Variants in DCHS2 observed in about 807,000 individuals in gnomAD.
DCHS2 encodes protocadherin-23.
DCHS2 carries 142 observed loss-of-function variants against 182.4 expected under a neutral mutation model. That is an observed-to-expected ratio of 0.78 (90% CI 0.68 to 0.89). The LOEUF is 0.89. DCHS2 is among the 40% of genes least tolerant of loss of function. The pLI, the probability that DCHS2 is intolerant of heterozygous loss-of-function variation, is 0.00. For missense variants in DCHS2, 4,319 were observed against 4,198.6 expected (o/e 1.03, Z -0.79); for synonymous variants, 1,740 against 1,663.3 (o/e 1.05, Z -1.12).
rs1728703852 is a variant in DCHS2 at position 154,489,378 on chromosome 4, C to CATTG, written c.1974_1977dup (p.Glu660GlnfsTer2). 2.6e-6 allele frequency: 4 copies of CATTG among 1,551,168 alleles called. No homozygotes were observed. The highest frequency in any genetic ancestry group is 2.6e-6 in the Non-Finnish European group (3 of 1,146,694). ...TACACCTGCCTCCAGAAGATGGGCT[C>CATTG]ATTGTCATTCACATCATCTACGGTG... On this transcript the variant is annotated frameshift_variant, in exon 1 of 20. Coordinates refer to ENST00000357232, the MANE Select transcript of DCHS2 (RefSeq NM_001358235.2). LOFTEE classifies it high-confidence loss of function.
chr4:154,408,023 A>C (rs1373936968), intron 1 of DCHS2, among the ~76,000 whole-genome samples: 1 of 152,028 alleles, frequency 6.6e-6, no homozygotes, highest in African/African-American at 2.4e-5. Flanking sequence ...CATGTCATGG[A>C]AAGTTTCTCT....
At chr4:154,425,575 C>G (rs1326980593) in intron 1 of DCHS2, among the ~76,000 whole-genome samples, 1 of 152,166 alleles carries the variant, frequency 6.6e-6, no homozygotes, top group East Asian at 1.9e-4. Context: ...AGATCTCAGC[C>G]TTTAACACTT....
At position 154,332,536 on chromosome 4, in the gene DCHS2, T is replaced by C. The variant is rs751785643; in HGVS notation, c.3672A>G (p.Gly1224=). Residue 1224 remains glycine (G), a synonymous_variant, in exon 5 of 20, where the codon GGA becomes GGG. Transcript: ENST00000357232. ...CAGACAAAAGGAAATATAATAGCTG[T>C]CCATTCTTTCCAGAGTCCATGTCAA... ...TAIDMDSGKN[G]QLLYFLLSDG... 16 of 1,614,092 alleles carry C rather than the reference T, an allele frequency of 9.9e-6. No homozygotes were observed. In the African/African-American group the frequency reaches 1.7e-4, roughly 18 times the overall value.
chr4:154,346,867 C>A (rs896184159), intron 3 of DCHS2, among the ~76,000 whole-genome samples: 11 of 151,868 alleles, frequency 7.2e-5, no homozygotes, highest in African/African-American at 2.7e-4. Flanking sequence ...TAACAAGCTG[C>A]AAACTTTGTG....
chr4:154,490,331 C>T lies in DCHS2; in HGVS notation c.1025G>A (p.Gly342Glu). The T allele has an allele frequency of 1.9e-6, 3 of 1,543,226 alleles. No homozygotes were observed. Among genetic ancestry groups the T allele is most frequent in the Non-Finnish European group, 1.7e-6 (2 of 1,145,978 alleles). ...CAGTGCCCCGCCGCCGCTACCCGCC[C>T]CAGGCACTTGCCGGGCGCGGACGCT... ...RYSVRARQVP[G>E]AGSGGGALGD... is the part of the protein sequence containing the mutation. The change falls in exon 1 of 20, where the codon GGG (glycine) becomes GAG (glutamate). Residue 342 changes from glycine to glutamate, a missense_variant. Physicochemically the swap from Gly to Glu is moderately conservative, Grantham distance 98 (BLOSUM62 -2). Coordinates refer to ENST00000357232, the MANE Select transcript of DCHS2 (RefSeq NM_001358235.2).
intron 16 of DCHS2, among the ~76,000 whole-genome samples, chr4:154,244,990 T>C (rs1419537222): frequency 6.6e-6 from 1 of 152,154 alleles, no homozygotes; most frequent in Non-Finnish European, 1.5e-5. Flanking sequence ...TAGCCATAAT[T>C]ACCATTATTT....
Position 154,490,989 on chromosome 4 carries a change from C to A in DCHS2, c.367G>T (p.Gly123Cys), listed in dbSNP as rs148953504. 2.8e-3 allele frequency: 4,351 copies of A among 1,550,372 alleles called. 6 individuals are homozygous for A. The highest frequency in any genetic ancestry group is 3.5e-3 in the Non-Finnish European group (3,988 of 1,146,302). ...AGGCGCCGCGCAGTGCGGATGATGC[C>A]GGTGTCCGGGTGCACGTGGAAGTCG... ...LDDFHVHPDT[G>C]IIRTARRLDR... The change falls in exon 1 of 20, where the codon GGC becomes TGC. Residue 123 changes from glycine to cysteine, a missense_variant. Coordinates refer to ENST00000357232, the MANE Select transcript of DCHS2 (RefSeq NM_001358235.2).
rs1308100741 is a variant in DCHS2, at chr4:154,236,054, G to A, written c.8598C>T (p.Val2866=). 1.2e-6 allele frequency: 2 copies of A among 1,613,810 alleles called. No homozygotes were observed. The part of the protein sequence containing the change: ...DKGDATASLV[V]WVDIEGIDEF... ...CATCTATCCCTTCAATATCCACCCAGACCACTAAGGAGGCAGTTGCATCAC... is the reference window on the plus strand; with the variant it reads ...CATCTATCCCTTCAATATCCACCCAAACCACTAAGGAGGCAGTTGCATCAC... Residue 2866 remains valine (V), a synonymous_variant, in exon 20 of 20, where the codon GTC becomes GTT. Coordinates refer to ENST00000357232, the MANE Select transcript of DCHS2 (RefSeq NM_001358235.2).
chr4:154,370,322 G>A (rs1259518573), intron 2 of DCHS2, among the ~76,000 whole-genome samples: 1 of 152,116 alleles, frequency 6.6e-6, no homozygotes, highest in East Asian at 1.9e-4. Flanking sequence ...TATAGAAGAG[G>A]TAGAGAGGGA....
At chr4:154,316,713 G>A (rs1310851286) in intron 9 of DCHS2, among the ~76,000 whole-genome samples, 3 of 152,184 alleles carry the variant, frequency 2.0e-5, no homozygotes, top group South Asian at 2.1e-4. Context: ...GAACCTGGGA[G>A]GCGGAAGCTG....
At chr4:154,417,410 T>C (rs1203234370) in intron 1 of DCHS2, among the ~76,000 whole-genome samples, 1 of 152,160 alleles carries the variant, frequency 6.6e-6, no homozygotes, top group Non-Finnish European at 1.5e-5. Flanking sequence ...CAAAGCACTT[T>C]GTTATTACTC....
chr4:154,407,176 C>T (rs996895391), intron 1 of DCHS2, among the ~76,000 whole-genome samples: 32 of 152,160 alleles, frequency 2.1e-4, no homozygotes, highest in South Asian at 4.1e-4. Context: ...AGGCATCTTT[C>T]GCTTGGGATT....
intron 1 of DCHS2, among the ~76,000 whole-genome samples, chr4:154,390,083 C>T (rs1561085165): frequency 1.3e-5 from 2 of 150,370 alleles, no homozygotes; most frequent in Admixed American, 1.3e-4. Flanking sequence ...TGTTGATACT[C>T]TTTTTTTTTA....
At chr4:154,282,871 C>A (rs12510539) in intron 13 of DCHS2, among the ~76,000 whole-genome samples, 3,948 of 152,106 alleles carry the variant, frequency 0.026, 276 homozygotes, top group Admixed American at 0.16. Context: ...AATGAAAATC[C>A]TGTTATATGC....
chr4:154,256,327 G>T (rs1732663484), intron 15 of DCHS2, among the ~76,000 whole-genome samples: 1 of 152,012 alleles, frequency 6.6e-6, no homozygotes, highest in East Asian at 1.9e-4. Context: ...TAGAGATGGG[G>T]TTTTCCCATT....
chr4:154,268,739 A>G (rs890573084), intron 14 of DCHS2, among the ~76,000 whole-genome samples: 7 of 152,178 alleles, frequency 4.6e-5, no homozygotes, highest in African/African-American at 1.7e-4. Context: ...CAGATATTTC[A>G]CAATAAAATT....
chr4:154,426,438 T>C (rs1307186388), intron 1 of DCHS2, among the ~76,000 whole-genome samples: 1 of 152,106 alleles, frequency 6.6e-6, no homozygotes, highest in East Asian at 1.9e-4. Context: ...ATCATGATGA[T>C]CTAGGTAACA....
At chr4:154,239,323 T>C in intron 18 of DCHS2, 21 bp from the exon 19 acceptor site, 10 of 1,611,050 alleles carry the variant, frequency 6.2e-6, no homozygotes, top group South Asian at 1.1e-5. Flanking sequence ...AAGAGAAAAA[T>C]AGGGACATTG....
At chr4:154,305,276 A>G in intron 10 of DCHS2, 45 bp from the exon 11 acceptor site, 1 of 1,578,660 alleles carries the variant, frequency 6.3e-7, no homozygotes, top group Non-Finnish European at 8.6e-7. Context: ...TTTCTTTGAA[A>G]TACATTTATC....
Sources: allele counts gnomAD v4.1 joint callset (sites outside exome capture counted in the v4.1 genomes callset), GRCh38; gene constraint gnomAD v4.1.1; transcripts MANE v1.5; gene names NCBI Gene and HGNC (gene_info 2026-07-23, HGNC 2026-07-21).